MOV10L1: variants seen among roughly 807,000 people sequenced by gnomAD.
The protein encoded by MOV10L1 is Mov10 like RNA helicase 1.
A neutral mutation model predicts 143.8 loss-of-function variants in MOV10L1; 110 were observed. The observed-to-expected ratio is 0.76, with a 90% CI of 0.66 to 0.90. The LOEUF is 0.90. MOV10L1 is among the 40% of genes least tolerant of loss of function. The pLI is 0.00. For missense variants in MOV10L1, 1,406 were observed against 1,526.8 expected (o/e 0.92, Z 1.32); for synonymous variants, 593 against 581.1 (o/e 1.02, Z -0.29).
chr22:50,113,786 AGAGT>A lies in MOV10L1; in HGVS notation c.884+3_884+6del. 1.3e-6 allele frequency: 2 copies of A among 1,593,200 alleles called. No individual in the cohort carries two copies. The highest frequency in any genetic ancestry group is 1.7e-6 in the Non-Finnish European group (2 of 1,170,262). Reference sequence around the variant, plus strand: ...GAAGTAAAACCATGGTGATCTGGATAGAGTGAGTTTGCCACTGAAACATTTTCTA... The same window carrying A: ...GAAGTAAAACCATGGTGATCTGGATAGAGTTTGCCACTGAAACATTTTCTA... On this transcript the variant is annotated splice_donor_variant and coding_sequence_variant, in exon 6 of 27. Transcript: ENST00000262794. LOFTEE classifies it high-confidence loss of function.
intron 7 of MOV10L1, 147 bp from the exon 8 acceptor site, chr22:50,114,967 C>A: frequency 1.1e-6 from 1 of 885,000 alleles, no homozygotes; most frequent in Non-Finnish European, 1.7e-6. Context: ...TATGTTTTTC[C>A]AGCCACCACC....
At chr22:50,138,180 TC>T (rs1471815284) in intron 15 of MOV10L1, among the ~76,000 whole-genome samples, 1 of 152,182 alleles carries the variant, frequency 6.6e-6, no homozygotes, top group East Asian at 1.9e-4. Context: ...GCTTGTAAGA[TC>T]AGGATCAGGG....
chr22:50,125,752 G>T (rs138240), intron 11 of MOV10L1, among the ~76,000 whole-genome samples, 183 bp downstream of exon 11: 74,053 of 151,980 alleles, frequency 0.49, 18,976 homozygotes, highest in Admixed American at 0.6. Flanking sequence ...TATTTCATTA[G>T]TTGTAAGCAG....
chr22:50,134,341 A>G (rs3736688), intron 14 of MOV10L1, among the ~76,000 whole-genome samples, 189 bp from the exon 15 acceptor site: 34,231 of 152,128 alleles, frequency 0.23, 4,217 homozygotes, highest in Admixed American at 0.35. Context: ...AGATGGGCAA[A>G]TAAAGGGCTT....
Position 50,160,676 on chromosome 22 carries a change from G to A in MOV10L1, c.3325-12G>A, listed in dbSNP as rs912588783. 1.2e-6 allele frequency: 2 copies of A among 1,610,460 alleles called. No homozygotes were observed. The highest frequency in any genetic ancestry group is 2.7e-5 in the African/African-American group (2 of 74,750). On this transcript the variant is annotated splice_polypyrimidine_tract_variant and intron_variant, in intron 24 of 26. Transcript: ENST00000262794. Reference sequence around the variant, plus strand: ...TCAAGTGCCATTTTTATTCATCTCTGTGTGCTTTTAGGTACGGTCAAATGA... The same window carrying A: ...TCAAGTGCCATTTTTATTCATCTCTATGTGCTTTTAGGTACGGTCAAATGA...
intron 15 of MOV10L1, among the ~76,000 whole-genome samples, chr22:50,141,132 C>T (rs2062972708): frequency 6.6e-6 from 1 of 152,000 alleles, no homozygotes; most frequent in Non-Finnish European, 1.5e-5. Context: ...CTCACTGCAG[C>T]CTCCACCTCC....
At chr22:50,097,057 GA>G (rs1466194458) in intron 2 of MOV10L1, among the ~76,000 whole-genome samples, 1 of 152,138 alleles carries the variant, frequency 6.6e-6, no homozygotes, top group Non-Finnish European at 1.5e-5. Flanking sequence ...AGATTATGAA[GA>G]TTTTTTTCTA....
At chr22:50,096,990 GTC>G (rs2062606051) in intron 2 of MOV10L1, among the ~76,000 whole-genome samples, 1 of 152,108 alleles carries the variant, frequency 6.6e-6, no homozygotes, top group Non-Finnish European at 1.5e-5. Context: ...AGTCTAATTT[GTC>G]TCTTTTATTG....
Position 50,159,872 on chromosome 22 carries a change from G to A in MOV10L1, c.3324+87G>A. 1.2e-6 allele frequency: 1 copy of A among 836,608 alleles called. No homozygotes were observed. The highest frequency in any genetic ancestry group is 1.6e-5 in the South Asian group (1 of 62,950). 51.8% of individuals were successfully genotyped at this position (836,608 alleles called of 1,614,324 possible). On this transcript the variant is annotated intron_variant, in intron 24 of 26. Transcript: ENST00000262794. The surrounding 1 kb of genome is among the most constrained non-coding windows in gnomAD (Gnocchi z 4.1). ...GGGGCTTCAGATCTAAAGGGGCAGAGGCTGATTCCCAGCCCAGAGAAGCAG... is the reference window on the plus strand; with the variant it reads ...GGGGCTTCAGATCTAAAGGGGCAGAAGCTGATTCCCAGCCCAGAGAAGCAG...
In MOV10L1 at chr22:50,151,763, G is replaced by A. The variant is rs116761794; in HGVS notation, c.2892+864G>A. ...AGGTGTGGGTGCAGGTGACGTGGCC[G>A]CAGCAGGAGAGACCAGCACGCTGCC... On this transcript the variant is annotated intron_variant, in intron 21 of 26. Transcript: ENST00000262794. 4.5e-3 allele frequency among the ~76,000 whole-genome samples: 690 copies of A among 152,322 alleles called. 8 individuals are homozygous for A. The highest frequency in any genetic ancestry group is 0.016 in the African/African-American group (648 of 41,568).
intron 15 of MOV10L1, among the ~76,000 whole-genome samples, chr22:50,135,518 C>A (rs985266738): frequency 6.6e-6 from 1 of 151,526 alleles, no homozygotes; most frequent in East Asian, 2.0e-4. Context: ...TTTGGGAGGC[C>A]GAGGCGGGCA....
chr22:50,113,962 G>A (rs867134389), intron 6 of MOV10L1, among the ~76,000 whole-genome samples, 174 bp downstream of exon 6: 88 of 137,684 alleles, frequency 6.4e-4, no homozygotes, highest in Middle Eastern at 8.8e-3. Flanking sequence ...TCCGTCGCCC[G>A]GGCTGGAGTG....
intron 10 of MOV10L1, among the ~76,000 whole-genome samples, chr22:50,122,136 G>A (rs578062826): frequency 2.0e-5 from 3 of 152,238 alleles, no homozygotes; most frequent in Non-Finnish European, 2.9e-5. Context: ...TGTAGATTGC[G>A]TTGGTTAGTA....
chr22:50,146,003 CGAAG>C (rs1366729390), intron 19 of MOV10L1, among the ~76,000 whole-genome samples, 193 bp downstream of exon 19: 1 of 152,080 alleles, frequency 6.6e-6, no homozygotes, highest in Non-Finnish European at 1.5e-5. Context: ...CCCAAGGACT[CGAAG>C]GAGCCAGCAG....
intron 3 of MOV10L1, among the ~76,000 whole-genome samples, chr22:50,104,378 A>T (rs1356957274): frequency 6.6e-6 from 1 of 152,166 alleles, no homozygotes; most frequent in African/African-American, 2.4e-5. Context: ...GCACTAGCAG[A>T]AATTGGCACA....
rs190029405 is a variant in MOV10L1 at position 50,123,667 on chromosome 22, A to G, written c.1570-1725A>G. The stretch of plus-strand genomic sequence containing the variant: ...TTGGGATCAGGGTAATGCTGGCCTC[A>G]TAAGAATAAGTCAGAGAGTATTCCC... On this transcript the variant is annotated intron_variant, in intron 10 of 26. Transcript: ENST00000262794. Among the ~76,000 whole-genome samples, 14 of 152,358 alleles carry G rather than the reference A, an allele frequency of 9.2e-5. No homozygotes were observed. In the South Asian group the frequency reaches 2.9e-3, roughly 32 times the overall value.
At chr22:50,103,432 C>A (rs527990606) in intron 3 of MOV10L1, among the ~76,000 whole-genome samples, 1 of 152,322 alleles carries the variant, frequency 6.6e-6, no homozygotes, top group African/African-American at 2.4e-5. Flanking sequence ...TTCTCATCCT[C>A]AGCGCTCCAA....
chr22:50,139,710 C>G (rs1416853123), intron 15 of MOV10L1, among the ~76,000 whole-genome samples: 1 of 152,210 alleles, frequency 6.6e-6, no homozygotes, highest in African/African-American at 2.4e-5. Flanking sequence ...GGATCAAACA[C>G]TTGAACACTT....
intron 10 of MOV10L1, 28 bp from the exon 11 acceptor site, chr22:50,125,364 G>A: frequency 1.2e-6 from 2 of 1,608,638 alleles, no homozygotes; most frequent in Non-Finnish European, 1.7e-6. Flanking sequence ...AGCTGTTGCT[G>A]ACTTTATAAC....
Sources: gnomAD v4.1 joint callset for allele counts (sites outside exome capture counted in the v4.1 genomes callset) on GRCh38, gnomAD v4.1.1 for gene constraint, Gnocchi (gnomAD v3.1) non-coding constraint, MANE v1.5 for transcripts, NCBI Gene and HGNC (gene_info 2026-07-23, HGNC 2026-07-21) for gene names.